Variants in GAPVD1 observed in about 807,000 individuals in gnomAD.
GAPVD1 encodes GTPase activating protein and VPS9 domains 1.
In GAPVD1, 35 loss-of-function variants were observed where a neutral mutation model predicts 155.5. The ratio of observed to expected loss-of-function variants is 0.23; its 90% CI spans 0.17 to 0.30. The LOEUF is 0.30. Among genes scored for constraint, GAPVD1 ranks in the 10% least tolerant of loss-of-function variants. The pLI is 1.00. For synonymous variants in GAPVD1, 636 were observed against 619.7 expected (o/e 1.03, Z -0.39); for missense variants, 1,429 against 1,775.7 (o/e 0.80, Z 3.51).
chr9:125,319,170 T>C (rs1843898566), intron 9 of GAPVD1, among the ~76,000 whole-genome samples: 1 of 149,352 alleles, frequency 6.7e-6, no homozygotes, highest in Non-Finnish European at 1.5e-5. Flanking sequence ...ATTGAGACTC[T>C]GTCTCAAAAA....
chr9:125,291,244 GC>G (rs1838551930), intron 2 of GAPVD1, among the ~76,000 whole-genome samples: 1 of 152,092 alleles, frequency 6.6e-6, no homozygotes, highest in Non-Finnish European at 1.5e-5. Context: ...CTGTGATCAT[GC>G]CACTGCACTC....
chr9:125,320,786 C>T (rs941540021), intron 9 of GAPVD1, among the ~76,000 whole-genome samples: 1 of 151,842 alleles, frequency 6.6e-6, no homozygotes, highest in Non-Finnish European at 1.5e-5. Context: ...CCACCAAGCC[C>T]GGCTAATTTT....
At chr9:125,359,283 C>CGT (rs1420768634) in intron 25 of GAPVD1, 137 bp from the exon 26 acceptor site, 6 of 668,528 alleles carry the variant, frequency 9.0e-6, no homozygotes, top group Non-Finnish European at 1.6e-5. Flanking sequence ...AGGCTCAACT[C>CGT]TAACTGTAAT....
chr9:125,297,225 G>C (rs1049771188), intron 3 of GAPVD1, among the ~76,000 whole-genome samples: 1 of 152,124 alleles, frequency 6.6e-6, no homozygotes, highest in African/African-American at 2.4e-5. Context: ...TGTGAACTAG[G>C]CCGTCTCCTA....
intron 15 of GAPVD1, among the ~76,000 whole-genome samples, chr9:125,335,550 G>T (rs189058956): frequency 7.2e-5 from 11 of 151,968 alleles, no homozygotes; most frequent in African/African-American, 2.7e-4. Context: ...GGTGGCGTGT[G>T]CCTGTAATGC....
chr9:125,324,026 A>C (rs2131580523), intron 11 of GAPVD1, 103 bp downstream of exon 11: 1 of 908,570 alleles, frequency 1.1e-6, no homozygotes, highest in East Asian at 2.4e-5. Context: ...GTAAGAGATT[A>C]AATCACCATT....
intron 17 of GAPVD1, among the ~76,000 whole-genome samples, chr9:125,340,592 TTTATTA>T (rs933722727): frequency 2.0e-5 from 3 of 152,132 alleles, no homozygotes; most frequent in Non-Finnish European, 4.4e-5. Context: ...CACATTTGGT[TTTATTA>T]TTATTAATAC....
chr9:125,312,650 C>T, intron 9 of GAPVD1, 38 bp downstream of exon 9: 1 of 1,484,030 alleles, frequency 6.7e-7, no homozygotes, highest in Non-Finnish European at 9.1e-7. Flanking sequence ...ATATTCATGT[C>T]TTAGTCCATA....
chr9:125,299,548 C>T (rs754497183), intron 4 of GAPVD1, among the ~76,000 whole-genome samples: 4 of 151,470 alleles, frequency 2.6e-5, no homozygotes, highest in African/African-American at 7.3e-5. Flanking sequence ...CCCAGCTACT[C>T]GGGAGGCTGA....
chr9:125,314,869 G>A (rs1403931660), intron 9 of GAPVD1, among the ~76,000 whole-genome samples: 2 of 149,324 alleles, frequency 1.3e-5, no homozygotes, highest in Non-Finnish European at 3.0e-5. Flanking sequence ...CTCACTGCGA[G>A]GTCCACCTCC....
At chr9:125,326,045 G>T (rs1845125891) in intron 11 of GAPVD1, among the ~76,000 whole-genome samples, 2 of 152,174 alleles carry the variant, frequency 1.3e-5, no homozygotes, top group African/African-American at 4.8e-5. Context: ...AAACAGCATG[G>T]AATATATAGG....
At chr9:125,283,164 A>G (rs904035346) in intron 2 of GAPVD1, among the ~76,000 whole-genome samples, 1 of 151,228 alleles carries the variant, frequency 6.6e-6, no homozygotes, top group African/African-American at 2.4e-5. Context: ...GGTTCAAGCA[A>G]TTCTCCTGCC....
At chr9:125,348,470 G>A (rs946316480) in intron 20 of GAPVD1, among the ~76,000 whole-genome samples, 2 of 151,806 alleles carry the variant, frequency 1.3e-5, no homozygotes, top group South Asian at 2.1e-4. Context: ...CTTTTTATTC[G>A]TTTTGATTGT....
chr9:125,315,999 T>G (rs933640632), intron 9 of GAPVD1, among the ~76,000 whole-genome samples: 17 of 152,144 alleles, frequency 1.1e-4, no homozygotes, highest in Non-Finnish European at 2.4e-4. Context: ...ATGTTTTGTT[T>G]TGTTATTCCA....
At chr9:125,347,724 A>C (rs1275444592) in intron 20 of GAPVD1, among the ~76,000 whole-genome samples, 3 of 152,000 alleles carry the variant, frequency 2.0e-5, no homozygotes, top group African/African-American at 7.2e-5. Flanking sequence ...CTGTCTCAAA[A>C]AAAAAAAAAC....
At chr9:125,329,817 G>C (rs1295105863) in intron 12 of GAPVD1, among the ~76,000 whole-genome samples, 1 of 151,976 alleles carries the variant, frequency 6.6e-6, no homozygotes, top group Non-Finnish European at 1.5e-5. Flanking sequence ...AAGTAGCTGA[G>C]ACTACCGGTG....
intron 19 of GAPVD1, among the ~76,000 whole-genome samples, chr9:125,344,807 TAAA>T (rs1189792717): frequency 7.5e-6 from 1 of 134,146 alleles, no homozygotes; most frequent in African/African-American, 2.7e-5. Context: ...TTGTTTCTAT[TAAA>T]AAAAAAAAAA....
At chr9:125,316,644 G>C (rs1275176313) in intron 9 of GAPVD1, among the ~76,000 whole-genome samples, 3 of 152,172 alleles carry the variant, frequency 2.0e-5, no homozygotes, top group Non-Finnish European at 4.4e-5. Flanking sequence ...TATTGTTGAT[G>C]GGCATTTGGG....
At chr9:125,266,671 T>A (rs1429063374) in intron 1 of GAPVD1, among the ~76,000 whole-genome samples, 2 of 152,158 alleles carry the variant, frequency 1.3e-5, no homozygotes, top group Non-Finnish European at 2.9e-5. Context: ...TAGACACTAC[T>A]GTGACAACAG....
Sources: gnomAD v4.1 joint callset for allele counts (sites outside exome capture counted in the v4.1 genomes callset) on GRCh38, gnomAD v4.1.1 for gene constraint, MANE v1.5 for transcripts, NCBI Gene and HGNC (gene_info 2026-07-23, HGNC 2026-07-21) for gene names.